Variants in SDK2 observed in about 807,000 individuals in gnomAD.
SDK2 encodes sidekick cell adhesion molecule 2.
Under a neutral mutation model 253.9 loss-of-function variants are expected in SDK2, and 105 were observed. That is an observed-to-expected ratio of 0.41 (90% CI 0.35 to 0.49). SDK2 has a LOEUF of 0.49. Ranked by LOEUF, SDK2 falls within the 20% of genes least tolerant of loss-of-function variation. The pLI is 0.06. For synonymous variants in SDK2, 1,249 were observed against 1,234.9 expected (o/e 1.01, Z -0.24); for missense variants, 2,608 against 3,003.0 (o/e 0.87, Z 3.07).
chr17:73,641,971 G>A (rs1217716229), intron 1 of SDK2, among the ~76,000 whole-genome samples: 1 of 152,188 alleles, frequency 6.6e-6, no homozygotes, highest in Non-Finnish European at 1.5e-5. Context: ...AACACTCTCG[G>A]AGCCAGAGAA....
chr17:73,457,617 T>C (rs922814723), intron 3 of SDK2, among the ~76,000 whole-genome samples: 4 of 151,630 alleles, frequency 2.6e-5, no homozygotes, highest in African/African-American at 9.7e-5. Flanking sequence ...TCCCAAAGTG[T>C]TGGGATTACA....
At chr17:73,502,114 C>T (rs1211343952) in intron 2 of SDK2, among the ~76,000 whole-genome samples, 1 of 147,466 alleles carries the variant, frequency 6.8e-6, no homozygotes, top group Non-Finnish European at 1.5e-5. Context: ...CACACACACA[C>T]ACACACCAGA....
Position 73,393,756 on chromosome 17 carries a change from G to C in SDK2, c.3709-7C>G. 6.4e-7 allele frequency: 1 copy of C among 1,559,452 alleles called. No homozygotes were observed. Among genetic ancestry groups the C allele is most frequent in the Non-Finnish European group, 8.7e-7 (1 of 1,143,514 alleles). On this transcript the variant is annotated splice_region_variant and splice_polypyrimidine_tract_variant and intron_variant, in intron 26 of 44. Transcript: ENST00000392650. ...CCTTCTCCTTATACATCACCTGTCA[G>C]GGCCCAGCACAGGGTGAGGGCCTCA...
rs140412712 is a variant in SDK2, at chr17:73,606,979, C to T, written c.64+37046G>A. Among the ~76,000 whole-genome samples, 320 of 152,288 alleles carry T rather than the reference C, an allele frequency of 2.1e-3. 1 individual carries two copies. The highest frequency in any genetic ancestry group is 7.4e-3 in the African/African-American group (307 of 41,556). ...CATTGGAATGGCCCAAGAGCCAATG[C>T]TTCTTGAGGGTCTCCAATATTCAAG... On this transcript the variant is annotated intron_variant, in intron 1 of 44. Coordinates refer to ENST00000392650, the MANE Select transcript of SDK2 (RefSeq NM_001144952.2).
At chr17:73,365,820 C>T (rs960300111) in intron 37 of SDK2, among the ~76,000 whole-genome samples, 9 of 152,078 alleles carry the variant, frequency 5.9e-5, no homozygotes, top group African/African-American at 9.7e-5. Flanking sequence ...ATTCGGTAGG[C>T]GCTAAACAAA....
intron 1 of SDK2, among the ~76,000 whole-genome samples, chr17:73,582,083 G>A (rs1315861522): frequency 6.6e-6 from 1 of 152,238 alleles, no homozygotes; most frequent in East Asian, 1.9e-4. Flanking sequence ...AGGGGACAGT[G>A]TCTGATCTAT....
chr17:73,365,414 G>C lies in SDK2; in HGVS notation c.5168-19C>G, dbSNP rs369480297. 275 of 1,588,428 alleles carry C rather than the reference G, an allele frequency of 1.7e-4. 1 individual carries two copies. In the African/African-American group the frequency reaches 3.0e-3, roughly 18 times the overall value. ...CTGGGGGCTGCGGGAGACAGCAAAG[G>C]GTTTTTGTTTCCTTCTTCTGTGGAA... On this transcript the variant is annotated intron_variant, in intron 37 of 44. Transcript: ENST00000392650.
At chr17:73,363,907 T>C (rs941683922) in intron 38 of SDK2, among the ~76,000 whole-genome samples, 1 of 151,860 alleles carries the variant, frequency 6.6e-6, no homozygotes, top group Non-Finnish European at 1.5e-5. Context: ...CCTGGTGTTC[T>C]AACACACAGC....
chr17:73,427,340 C>T (rs1012966450), intron 12 of SDK2, among the ~76,000 whole-genome samples: 3 of 152,176 alleles, frequency 2.0e-5, no homozygotes, highest in Non-Finnish European at 2.9e-5. Flanking sequence ...AAACTATGGC[C>T]TGCTGCCTGT....
chr17:73,440,337 C>T (rs1050877648), intron 6 of SDK2, among the ~76,000 whole-genome samples: 6 of 152,150 alleles, frequency 3.9e-5, no homozygotes, highest in African/African-American at 1.4e-4. Context: ...AACTCCCGAC[C>T]TCAGGTGATC....
intron 1 of SDK2, among the ~76,000 whole-genome samples, chr17:73,640,735 G>A (rs1229557848): frequency 1.3e-5 from 2 of 152,174 alleles, no homozygotes. Context: ...GAGCCTTTCA[G>A]GAGCCTCTAG....
At chr17:73,433,187 A>G (rs1313291617) in intron 10 of SDK2, among the ~76,000 whole-genome samples, 7 of 152,124 alleles carry the variant, frequency 4.6e-5, no homozygotes, top group Non-Finnish European at 1.0e-4. Flanking sequence ...CAGATGGGGA[A>G]CCTGAGGCTC....
chr17:73,422,171 C>T (rs924583444), intron 15 of SDK2, 116 bp downstream of exon 15: 16 of 1,160,062 alleles, frequency 1.4e-5, no homozygotes, highest in Admixed American at 4.6e-5. Flanking sequence ...TCTACAGAGG[C>T]GGAAGCCTAG....
chr17:73,347,893 CG>C (rs1216375929), intron 44 of SDK2, among the ~76,000 whole-genome samples: 1 of 151,968 alleles, frequency 6.6e-6, no homozygotes, highest in African/African-American at 2.4e-5. Flanking sequence ...CTGACATTTA[CG>C]GAATGGTTGC....
chr17:73,590,236 G>A (rs2045663652), intron 1 of SDK2, among the ~76,000 whole-genome samples: 1 of 152,168 alleles, frequency 6.6e-6, no homozygotes, highest in African/African-American at 2.4e-5. Flanking sequence ...GGACCAGAGG[G>A]GTCAGTTCGG....
At chr17:73,580,570 C>T (rs770432802) in intron 1 of SDK2, among the ~76,000 whole-genome samples, 14 of 152,236 alleles carry the variant, frequency 9.2e-5, no homozygotes, top group Non-Finnish European at 1.8e-4. Flanking sequence ...CAGAGGGACC[C>T]GTGCTTGGTT....
rs2063430420 is a variant in SDK2 at position 73,443,416 on chromosome 17, T to C, written c.614-2493A>G. Among the ~76,000 whole-genome samples the C allele has an allele frequency of 6.6e-6, 1 of 150,976 alleles. No individual in the cohort carries two copies. Among genetic ancestry groups the C allele is most frequent in the Non-Finnish European group, 1.5e-5 (1 of 68,038 alleles). On this transcript the variant is annotated intron_variant, in intron 5 of 44. Coordinates refer to ENST00000392650, the MANE Select transcript of SDK2 (RefSeq NM_001144952.2). The surrounding 1 kb of genome is among the most constrained non-coding windows in gnomAD (Gnocchi z 4.6). ...CCATAAAAGTGTGCTCTAAGTTGTTTATTACATGCGGGGGCGCGCAGGTAC... is the reference window on the plus strand; with the variant it reads ...CCATAAAAGTGTGCTCTAAGTTGTTCATTACATGCGGGGGCGCGCAGGTAC...
At chr17:73,424,726 C>T (rs1019491285) in intron 12 of SDK2, among the ~76,000 whole-genome samples, 2 of 152,182 alleles carry the variant, frequency 1.3e-5, no homozygotes, top group African/African-American at 4.8e-5. Flanking sequence ...GGATGCCACA[C>T]AATGAACCCA....
Position 73,339,547 on chromosome 17 carries a change from C to CT in SDK2, c.6166-608dup, listed in dbSNP as rs939336460. Among the ~76,000 whole-genome samples, 94 of 151,182 alleles carry CT rather than the reference C, an allele frequency of 6.2e-4. No homozygotes were observed. The East Asian group carries it at 0.014, about 22-fold the overall frequency. ...AATTTTATTTTCTTTCCTTTTTATT[C>CT]TTTTTTTTGGGGGGCGGGGAGTGGA... On this transcript the variant is annotated intron_variant, in intron 44 of 44. Transcript: ENST00000392650.
Sources: gnomAD v4.1 joint callset for allele counts (sites outside exome capture counted in the v4.1 genomes callset) on GRCh38, gnomAD v4.1.1 for gene constraint, Gnocchi (gnomAD v3.1) non-coding constraint, MANE v1.5 for transcripts, NCBI Gene and HGNC (gene_info 2026-07-23, HGNC 2026-07-21) for gene names.